The following VPS11 variants were observed in gnomAD, a reference collection of about 807,000 sequenced individuals.
VPS11 encodes the protein vacuolar protein sorting-associated protein 11 homolog.
Under a neutral mutation model 106.8 loss-of-function variants are expected in VPS11, and 51 were observed. The observed-to-expected ratio is 0.48, with a 90% confidence interval of 0.38 to 0.60. The LOEUF is 0.60. VPS11 is among the 20% of genes least tolerant of loss of function. VPS11 has a pLI of 0.00. For missense variants in VPS11, 950 were observed against 1,190.0 expected (o/e 0.80, Z 2.97); for synonymous variants, 453 against 458.7 (o/e 0.99, Z 0.16).
At chr11:119,068,085 G>A in intron 1 of VPS11, 75 bp downstream of exon 1, 1 of 1,463,064 alleles carries the variant, frequency 6.8e-7, no homozygotes, top group Non-Finnish European at 9.1e-7. Flanking sequence ...TCTGTTTGTC[G>A]GAGGGGTCCG....
chr11:119,071,974 C>A, intron 5 of VPS11, 131 bp downstream of exon 5: 2 of 1,276,526 alleles, frequency 1.6e-6, no homozygotes, highest in Non-Finnish European at 2.1e-6. Context: ...GGTAACATTT[C>A]TGTTTTTTTT....
At position 119,078,260 on chromosome 11, in the gene VPS11, G is replaced by C. The variant is rs782740204; in HGVS notation, c.1849G>C (p.Asp617His). 1.9e-5 allele frequency: 31 copies of C among 1,613,574 alleles called. No individual in the cohort carries two copies. The East Asian group carries it at 6.9e-4, about 36-fold the overall frequency. The change falls in exon 11 of 16, where the codon GAC becomes CAC. Residue 617 changes from aspartate to histidine, a missense_variant. Asp to His is a moderately conservative substitution (Grantham distance 81, BLOSUM62 -1). This residue lies in a region of VPS11 where 453 missense variants were observed against 514.6 expected (regional missense o/e 0.88). Coordinates refer to ENST00000621676, the MANE Select transcript of VPS11 (RefSeq NM_021729.6). ...FLEHMSEVQP[D>H]SPQGIYDTLL... ...AGAGCACATGAGTGAAGTGCAGCCA[G>C]ACTCACCCCAGGGGATCTACGACAC...
chr11:119,079,239 G>A lies in VPS11; in HGVS notation c.2377G>A (p.Val793Met). The A allele has an allele frequency of 6.2e-7, 1 of 1,610,164 alleles. No homozygotes were observed. The highest frequency in any genetic ancestry group is 8.5e-7 in the Non-Finnish European group (1 of 1,178,246). ...GCAGATTGCACAGGATGAGCTGCGG[G>A]TGCGGCGGTACCGAGAGGAGACCAC... Reference protein sequence around the residue: ...SQQIAQDELRVRRYREETTRI... With the variant: ...SQQIAQDELRMRRYREETTRI... Residue 793 changes from valine to methionine, a missense_variant, in exon 14 of 16, where the codon GTG becomes ATG. This residue lies in a region of VPS11 where 453 missense variants were observed against 514.6 expected (regional missense o/e 0.88). Transcript: ENST00000621676.
intron 1 of VPS11, 29 bp downstream of exon 1, chr11:119,068,039 C>T (rs2133640505): frequency 6.4e-7 from 1 of 1,572,182 alleles, no homozygotes; most frequent in Admixed American, 1.8e-5. Context: ...TGTCTTTTCC[C>T]TCCCGGGATC....
At chr11:119,069,664 G>C in intron 3 of VPS11, 87 bp downstream of exon 3, 1 of 1,581,418 alleles carries the variant, frequency 6.3e-7, no homozygotes, top group Non-Finnish European at 8.6e-7. Context: ...CTGTTTTCAG[G>C]AGACCACTTT....
At chr11:119,074,032 G>A (rs985293702) in intron 7 of VPS11, 81 bp downstream of exon 7, 3 of 1,473,486 alleles carry the variant, frequency 2.0e-6, no homozygotes, top group Admixed American at 2.1e-5. Context: ...CATGCTCCAG[G>A]TAGGGGCTAG....
At position 119,081,687 on chromosome 11, in the gene VPS11, G is replaced by A. The variant is rs2134816174; in HGVS notation, c.*64G>A. 6 of 1,575,294 alleles carry A rather than the reference G, an allele frequency of 3.8e-6. No homozygotes were observed. The East Asian group carries it at 1.4e-4, about 36-fold the overall frequency. ...AGAGAACAGACACAATGGGACCTGG[G>A]CGGGCGTTACACAGAAGGCTGGCTG... is the stretch of plus-strand genomic sequence containing the variant. On this transcript the variant is annotated 3_prime_UTR_variant, in exon 16 of 16. Coordinates refer to ENST00000621676, the MANE Select transcript of VPS11 (RefSeq NM_021729.6).
At chr11:119,080,976 T>G (rs117562556) in intron 14 of VPS11, 116 bp from the exon 15 acceptor site, 46,769 of 891,872 alleles carry the variant, frequency 0.052, 1,593 homozygotes, top group Non-Finnish European at 0.07. Flanking sequence ...GGGCAGGGCC[T>G]TCAGGGGCCT....
chr11:119,077,566 C>T lies in VPS11; in HGVS notation c.1491C>T (p.Gly497=), dbSNP rs1945674511. ...CCATCAAGGTCCTCCGGCAGGCTGGCTACTACTCCCATGCCCTGTATCTGG... is the reference window on the plus strand; with the variant it reads ...CCATCAAGGTCCTCCGGCAGGCTGGTTACTACTCCCATGCCCTGTATCTGG... ...ETAIKVLRQA[G]YYSHALYLAE... Residue 497 remains glycine (G), a synonymous_variant, in exon 9 of 16, where the codon GGC becomes GGT. Transcript: ENST00000621676. The T allele has an allele frequency of 6.2e-7, 1 of 1,613,984 alleles. No homozygotes were observed. The highest frequency in any genetic ancestry group is 8.5e-7 in the Non-Finnish European group (1 of 1,179,876).
rs782067155 is a variant in VPS11 at position 119,079,234 on chromosome 11, T to C, written c.2372T>C (p.Leu791Pro). Residue 791 changes from leucine to proline, a missense_variant, in exon 14 of 16, where the codon CTG becomes CCG. Physicochemically the swap from Leu to Pro is moderately conservative, Grantham distance 98 (BLOSUM62 -3). Transcript: ENST00000621676. ...AGCCAGCAGATTGCACAGGATGAGC[T>C]GCGGGTGCGGCGGTACCGAGAGGAG... ...KQSQQIAQDE[L>P]RVRRYREETT... is the part of the protein sequence containing the mutation. 1 of 1,611,204 alleles carries C rather than the reference T, an allele frequency of 6.2e-7. No homozygotes were observed. Among genetic ancestry groups the C allele is most frequent in the Non-Finnish European group, 8.5e-7 (1 of 1,178,720 alleles).
At position 119,069,223 on chromosome 11, in the gene VPS11, C is replaced by T. The variant is rs541827167; in HGVS notation, c.215C>T (p.Pro72Leu). Residue 72 changes from proline to leucine, a missense_variant, in exon 2 of 16, where the codon CCA becomes CTA. Pro to Leu is a moderately conservative substitution (Grantham distance 98, BLOSUM62 -3). Coordinates refer to ENST00000621676, the MANE Select transcript of VPS11 (RefSeq NM_021729.6). The stretch of plus-strand genomic sequence containing the variant: ...ATGGAAGGCCAGATCTGGTTCTTGC[C>T]ACGTTCCCTACAGCTTACAGGCTTC... ...GDMEGQIWFL[P>L]RSLQLTGFQA... The T allele has an allele frequency of 6.2e-7, 1 of 1,613,916 alleles. No homozygotes were observed. The highest frequency in any genetic ancestry group is 2.2e-5 in the East Asian group (1 of 44,890).
At chr11:119,075,542 TAAAAAAAAA>T (rs1555202802) in intron 7 of VPS11, among the ~76,000 whole-genome samples, 1 of 111,634 alleles carries the variant, frequency 9.0e-6, no homozygotes, top group Non-Finnish European at 1.8e-5. Context: ...CTGTCTCCAC[TAAAAAAAAA>T]AAAAAAAAAA....
chr11:119,071,747 G>C lies in VPS11; in HGVS notation c.788G>C (p.Arg263Pro). ...GTCTACTTGTACCAGCCTGATGAACGTGGGCCCTGCTTCGCCTTTGAGGGC... is the reference window on the plus strand; with the variant it reads ...GTCTACTTGTACCAGCCTGATGAACCTGGGCCCTGCTTCGCCTTTGAGGGC... ...ECVYLYQPDE[R>P]GPCFAFEGHK... The change falls in exon 5 of 16, where the codon CGT becomes CCT. Residue 263 changes from arginine to proline, a missense_variant. Arg to Pro is a moderately radical substitution (Grantham distance 103). Transcript: ENST00000621676. 1 of 1,613,988 alleles carries C rather than the reference G, an allele frequency of 6.2e-7. No homozygotes were observed. Among genetic ancestry groups the C allele is most frequent in the Non-Finnish European group, 8.5e-7 (1 of 1,179,892 alleles).
chr11:119,077,050 C>T lies in VPS11; in HGVS notation c.1392C>T (p.Leu464=), dbSNP rs782073552. ...TGCTCCTCAACTGCTATACCAAGCT[C>T]AAGGACAGCTCGAAGCTGGAGGAGT... ...TTLLLNCYTK[L]KDSSKLEEFI... is the part of the protein sequence containing the mutation. The change falls in exon 8 of 16, where the codon CTC becomes CTT. Residue 464 remains leucine (L), a synonymous_variant. Coordinates refer to ENST00000621676, the MANE Select transcript of VPS11 (RefSeq NM_021729.6). 1 of 1,613,434 alleles carries T rather than the reference C, an allele frequency of 6.2e-7. No homozygotes were observed. The highest frequency in any genetic ancestry group is 8.5e-7 in the Non-Finnish European group (1 of 1,179,692).
chr11:119,079,184 C>T lies in VPS11; in HGVS notation c.2322C>T (p.Tyr774=). The T allele has an allele frequency of 6.2e-7, 1 of 1,613,802 alleles. No individual in the cohort carries two copies. Among genetic ancestry groups the T allele is most frequent in the Non-Finnish European group, 8.5e-7 (1 of 1,179,808 alleles). ...STATLSVIRD[Y]LVQKLQKQSQ... ...CCACACTCTCCGTCATCAGGGACTA[C>T]CTGGTCCAAAAACTACAGAAACAGA... The change falls in exon 14 of 16, where the codon TAC becomes TAT. Residue 774 remains tyrosine (Y), a synonymous_variant. Transcript: ENST00000621676.
In VPS11 at chr11:119,070,379, G is replaced by A. The variant is rs1366336816; in HGVS notation, c.618G>A (p.Val206=). The change falls in exon 4 of 16, where the codon GTG becomes GTA. Residue 206 remains valine (V), a synonymous_variant. Transcript: ENST00000621676. ...GAAAGACCACTCACTTGTTTGTTGT[G>A]ACAACAGAGAACGTCCAGGTATGAC... The part of the protein sequence containing the change: ...QAGKTTHLFV[V]TTENVQSYIV... 15 of 1,612,972 alleles carry A rather than the reference G, an allele frequency of 9.3e-6. No individual in the cohort carries two copies. The African/African-American group carries it at 1.6e-4, about 17-fold the overall frequency.
chr11:119,077,183 G>A (rs1945655614), intron 8 of VPS11, 100 bp downstream of exon 8: 3 of 1,413,528 alleles, frequency 2.1e-6, no homozygotes, highest in African/African-American at 1.4e-5. Flanking sequence ...GGAGAGGAAA[G>A]GGCTGACCTT....
intron 6 of VPS11, 63 bp downstream of exon 6, chr11:119,073,462 C>A: frequency 6.4e-7 from 1 of 1,568,390 alleles, no homozygotes. Flanking sequence ...GGAGCAGGTT[C>A]CCCAAGTCAT....
chr11:119,070,117 G>C lies in VPS11; in HGVS notation c.473-117G>C, dbSNP rs944620711. On this transcript the variant is annotated intron_variant, in intron 3 of 15. Transcript: ENST00000621676. ...ACCAATATTCAGGTTAACCATTAGA[G>C]AGGTTGGGTATATGGAGAAAGCTTG... is the stretch of plus-strand genomic sequence containing the variant. 5 of 930,634 alleles carry C rather than the reference G, an allele frequency of 5.4e-6. No individual in the cohort carries two copies. The African/African-American group carries it at 8.3e-5, about 16-fold the overall frequency. The allele number at this position is 930,634 out of a possible 1,614,324, so 57.6% of individuals were successfully genotyped here. A position where few individuals can be genotyped will look rare whatever the true frequency, so the allele number is the denominator to read the frequency against.
Sources: allele counts gnomAD v4.1 joint callset (sites outside exome capture counted in the v4.1 genomes callset), GRCh38; gene constraint gnomAD v4.1.1; regional missense constraint gnomAD v4.1.1; transcripts MANE v1.5; gene names NCBI Gene and HGNC (gene_info 2026-07-23, HGNC 2026-07-21).